Variants in MGAT4C observed in about 807,000 individuals in gnomAD.
MGAT4C encodes the protein alpha-1,3-mannosyl-glycoprotein 4-beta-N-acetylglucosaminyltransferase C.
MGAT4C carries 19 observed loss-of-function variants against 40.1 expected under a neutral mutation model. The ratio of observed to expected loss-of-function variants is 0.47; its 90% confidence interval spans 0.33 to 0.70. The LOEUF (loss-of-function observed/expected upper bound fraction) is 0.70. MGAT4C is among the 30% of genes least tolerant of loss of function. MGAT4C has a pLI of 0.02. For synonymous variants in MGAT4C, 181 were observed against 187.1 expected (o/e 0.97, Z 0.27); for missense variants, 491 against 563.2 (o/e 0.87, Z 1.30).
At chr12:86,743,015 G>GT (rs1337814792) in intron 1 of MGAT4C, among the ~76,000 whole-genome samples, 2 of 151,190 alleles carry the variant, frequency 1.3e-5, no homozygotes, top group Non-Finnish European at 3.0e-5. Flanking sequence ...GTGTATGTGT[G>GT]TATGCATGTG....
intron 1 of MGAT4C, among the ~76,000 whole-genome samples, chr12:86,123,494 T>C (rs1206200134): frequency 1.3e-5 from 2 of 152,146 alleles, no homozygotes; most frequent in Non-Finnish European, 2.9e-5. Context: ...ATCTTACACA[T>C]GTAATACCAA....
chr12:86,189,663 A>G (rs1416259143), intron 1 of MGAT4C, among the ~76,000 whole-genome samples: 4 of 152,162 alleles, frequency 2.6e-5, no homozygotes, highest in African/African-American at 9.6e-5. Context: ...TTTACCTTTG[A>G]AAACATCTTC....
intron 2 of MGAT4C, among the ~76,000 whole-genome samples, chr12:86,704,213 T>C (rs771617908): frequency 6.6e-6 from 1 of 152,142 alleles, no homozygotes; most frequent in Non-Finnish European, 1.5e-5. Flanking sequence ...TCTGTATTCT[T>C]GGGTATCAAG....
At chr12:86,773,365 G>A (rs188078892) in intron 1 of MGAT4C, among the ~76,000 whole-genome samples, 2 of 152,070 alleles carry the variant, frequency 1.3e-5, no homozygotes, top group African/African-American at 4.8e-5. Context: ...TCCCCTTTTG[G>A]CCCTCAGAAA....
chr12:85,976,645 A>AATTATATATATATGTATATATAT lies in MGAT4C; in HGVS notation c.*2621_*2643dup, dbSNP rs1884002919. 6.9e-6 allele frequency: 1 copy of AATTATATATATATGTATATATAT among 145,364 alleles called. No individual in the cohort carries two copies. The highest frequency in any genetic ancestry group is 1.5e-5 in the Non-Finnish European group (1 of 66,346). 9.0% of individuals were successfully genotyped at this position (145,364 alleles called of 1,614,324 possible). A position where few individuals can be genotyped will look rare whatever the true frequency, so the allele number is the denominator to read the frequency against. On this transcript the variant is annotated 3_prime_UTR_variant, in exon 5 of 5. Transcript: ENST00000611864. ...TTCAATTGTTATTTTTAACAAAGAA[A>AATTATATATATATGTATATATAT]ATTATATATATATGTATATATATAT...
intron 1 of MGAT4C, among the ~76,000 whole-genome samples, chr12:86,214,622 TAGAA>T (rs1200283720): frequency 6.6e-6 from 1 of 152,188 alleles, no homozygotes; most frequent in African/African-American, 2.4e-5. Flanking sequence ...CCTCACATGG[TAGAA>T]AGAGAGATCC....
At chr12:86,295,802 C>A (rs1953654208) in intron 4 of MGAT4C, among the ~76,000 whole-genome samples, 1 of 152,128 alleles carries the variant, frequency 6.6e-6, no homozygotes. Flanking sequence ...CCCACGAGAG[C>A]AGCTAGATAC....
intron 1 of MGAT4C, among the ~76,000 whole-genome samples, chr12:86,128,215 C>A (rs1014812613): frequency 6.6e-6 from 1 of 152,148 alleles, no homozygotes; most frequent in Non-Finnish European, 1.5e-5. Flanking sequence ...ACATGCCGTC[C>A]TTTGTTGACT....
chr12:86,128,267 T>A (rs970658282), intron 1 of MGAT4C, among the ~76,000 whole-genome samples: 1 of 152,120 alleles, frequency 6.6e-6, no homozygotes, highest in African/African-American at 2.4e-5. Flanking sequence ...TGGCTCTGTG[T>A]CCCCACCCAA....
chr12:85,973,607 G>C lies in MGAT4C; in HGVS notation c.*5682C>G, dbSNP rs907577449. ...GTCTTTGGCTCACCTACTTTAAGGA[G>C]ATGGCTACTTAGGGTACTTTTTAAT... On this transcript the variant is annotated 3_prime_UTR_variant, in exon 5 of 5. Transcript: ENST00000611864. The C allele has an allele frequency of 6.6e-6, 1 of 150,888 alleles. No homozygotes were observed. The highest frequency in any genetic ancestry group is 1.5e-5 in the Non-Finnish European group (1 of 67,048). The allele number at this position is 150,888 out of a possible 1,614,324, so 9.3% of individuals were successfully genotyped here. A position where few individuals can be genotyped will look rare whatever the true frequency, so the allele number is the denominator to read the frequency against.
intron 2 of MGAT4C, among the ~76,000 whole-genome samples, chr12:86,705,911 C>T (rs913730630): frequency 2.0e-5 from 3 of 152,066 alleles, no homozygotes; most frequent in South Asian, 2.1e-4. Flanking sequence ...TCTAGAATTC[C>T]TTTTCAATGT....
chr12:86,037,240 G>C (rs1224542560), intron 2 of MGAT4C, among the ~76,000 whole-genome samples: 1 of 149,802 alleles, frequency 6.7e-6, no homozygotes, highest in Non-Finnish European at 1.5e-5. Flanking sequence ...CAAAAATCCA[G>C]CTCCTGGATT....
intron 2 of MGAT4C, among the ~76,000 whole-genome samples, chr12:86,525,152 G>A (rs745852290): frequency 1.3e-5 from 2 of 152,170 alleles, no homozygotes; most frequent in Non-Finnish European, 2.9e-5. Flanking sequence ...GAGGGACCTG[G>A]TGAGAAGTAA....
At chr12:86,122,803 T>C (rs1268741375) in intron 1 of MGAT4C, among the ~76,000 whole-genome samples, 1 of 152,146 alleles carries the variant, frequency 6.6e-6, no homozygotes, top group African/African-American at 2.4e-5. Context: ...TGTGTGTATA[T>C]ATATAAGTAT....
intron 1 of MGAT4C, among the ~76,000 whole-genome samples, chr12:86,827,608 T>G (rs544697740): frequency 1.3e-5 from 2 of 151,404 alleles, no homozygotes; most frequent in South Asian, 4.1e-4. Flanking sequence ...AATGTATACT[T>G]AAGAGTTCAA....
chr12:86,334,848 T>C (rs1954748429), intron 3 of MGAT4C, among the ~76,000 whole-genome samples: 2 of 152,118 alleles, frequency 1.3e-5, no homozygotes, highest in African/African-American at 2.4e-5. Flanking sequence ...AGTAATTTCT[T>C]AGAAGTTTTA....
chr12:86,189,452 A>G (rs1889128337), intron 1 of MGAT4C, among the ~76,000 whole-genome samples: 2 of 151,984 alleles, frequency 1.3e-5, no homozygotes, highest in Admixed American at 1.3e-4. Flanking sequence ...CGAAATTAGC[A>G]TTGTGACAGC....
At chr12:86,463,934 T>C (rs1053321172) in intron 2 of MGAT4C, among the ~76,000 whole-genome samples, 15 of 152,200 alleles carry the variant, frequency 9.9e-5, no homozygotes, top group African/African-American at 3.6e-4. Context: ...TACATTATAG[T>C]CTTTCTTGTG....
At chr12:86,578,805 T>C (rs1960662977) in intron 2 of MGAT4C, among the ~76,000 whole-genome samples, 1 of 151,808 alleles carries the variant, frequency 6.6e-6, no homozygotes, top group African/African-American at 2.4e-5. Context: ...TTCAGAAAAC[T>C]TTTTGTTTCA....
Sources: allele counts gnomAD v4.1 joint callset (sites outside exome capture counted in the v4.1 genomes callset), GRCh38; gene constraint gnomAD v4.1.1; transcripts MANE v1.5; gene names NCBI Gene and HGNC (gene_info 2026-07-23, HGNC 2026-07-21).